The following SOX5 variants were observed in gnomAD, a reference collection of about 807,000 sequenced individuals.
SOX5 encodes SRY-box transcription factor 5.
In SOX5, 9 loss-of-function variants were observed where a neutral mutation model predicts 92.0. The ratio of observed to expected loss-of-function variants is 0.10; its 90% CI spans 0.06 to 0.17. The LOEUF is 0.17. Ranked by LOEUF, SOX5 falls within the 10% of genes least tolerant of loss-of-function variation. The pLI is 1.00. For missense variants in SOX5, 642 were observed against 944.5 expected (o/e 0.68, Z 4.20); for synonymous variants, 344 against 336.3 (o/e 1.02, Z -0.25).
chr12:23,572,787 T>C (rs1297735623), intron 10 of SOX5, among the ~76,000 whole-genome samples: 9 of 152,186 alleles, frequency 5.9e-5, no homozygotes, highest in African/African-American at 2.2e-4. Flanking sequence ...TCATTTAGGA[T>C]GCTGAGCAGA....
At chr12:23,970,996 C>A (rs1948260468) in intron 4 of SOX5, among the ~76,000 whole-genome samples, 1 of 148,876 alleles carries the variant, frequency 6.7e-6, no homozygotes, top group Non-Finnish European at 1.5e-5. Flanking sequence ...AACCATCACA[C>A]TGTTTTCCAT....
chr12:23,949,437 G>T (rs532025096), intron 1 of SOX5, 127 bp downstream of exon 1: 2 of 1,115,252 alleles, frequency 1.8e-6, no homozygotes, highest in South Asian at 1.3e-5. Flanking sequence ...TAACAAGATT[G>T]CAGAAGCCCT....
intron 2 of SOX5, among the ~76,000 whole-genome samples, chr12:23,891,975 A>T (rs919782484): frequency 5.3e-5 from 8 of 152,246 alleles, no homozygotes; most frequent in African/African-American, 1.9e-4. Flanking sequence ...TGCCTAAAAC[A>T]TATTTACTCA....
intron 1 of SOX5, among the ~76,000 whole-genome samples, chr12:24,518,048 T>C (rs1486433450): frequency 6.7e-6 from 1 of 148,434 alleles, no homozygotes; most frequent in African/African-American, 2.5e-5. Context: ...GGTTTATTAA[T>C]CAAAAATTTT....
intron 3 of SOX5, among the ~76,000 whole-genome samples, chr12:23,762,216 G>A (rs2094579900): frequency 6.6e-6 from 1 of 152,098 alleles, no homozygotes; most frequent in African/African-American, 2.4e-5. Flanking sequence ...GTCGGCCACT[G>A]GACATACCAA....
chr12:24,235,629 ATCT>A lies in SOX5; in HGVS notation c.-76-22215_-76-22213del, dbSNP rs913749895. Among the ~76,000 whole-genome samples, 6 of 152,372 alleles carry A rather than the reference ATCT, an allele frequency of 3.9e-5. No individual in the cohort carries two copies. In the East Asian group the frequency reaches 5.8e-4, roughly 15 times the overall value. ...GACCCAGAGGAAGGGCAAAACGTTT[ATCT>A]TCTTAAGAAAGTATGCTTTATTATA... On this transcript the variant is annotated intron_variant, in intron 3 of 4. Transcript: ENST00000446891.
intron 1 of SOX5, among the ~76,000 whole-genome samples, chr12:24,397,089 G>A (rs998705432): frequency 1.6e-4 from 25 of 152,148 alleles, no homozygotes; most frequent in African/African-American, 5.8e-4. Flanking sequence ...TTGAGAATTT[G>A]AGGTGCGTGT....
intron 4 of SOX5, among the ~76,000 whole-genome samples, chr12:23,755,424 G>T (rs2094334812): frequency 6.6e-6 from 1 of 151,658 alleles, no homozygotes; most frequent in Non-Finnish European, 1.5e-5. Flanking sequence ...TGATTCTGTT[G>T]AAAACAACAT....
intron 3 of SOX5, among the ~76,000 whole-genome samples, chr12:23,822,016 CTT>C (rs1377943500): frequency 1.3e-5 from 2 of 151,936 alleles, no homozygotes; most frequent in Admixed American, 1.3e-4. Flanking sequence ...ATTCTTCTCT[CTT>C]TTCTTATTAG....
At chr12:24,432,078 T>A (rs1938454502) in intron 1 of SOX5, among the ~76,000 whole-genome samples, 1 of 152,158 alleles carries the variant, frequency 6.6e-6, no homozygotes, top group South Asian at 2.1e-4. Flanking sequence ...TCCCAAAGAT[T>A]GGCAGACTGG....
intron 3 of SOX5, among the ~76,000 whole-genome samples, chr12:24,236,909 C>CA (rs63258566): frequency 0.011 from 1,607 of 141,560 alleles, 18 homozygotes; most frequent in African/African-American, 0.034. Flanking sequence ...ATCCACAACT[C>CA]AAAAAAAAAA....
intron 8 of SOX5, among the ~76,000 whole-genome samples, chr12:23,638,820 G>C (rs1417642544): frequency 2.0e-5 from 3 of 151,274 alleles, no homozygotes; most frequent in Admixed American, 6.6e-5. Context: ...TCAAAGAAAA[G>C]CCAGGTTCTC....
chr12:23,982,788 T>C (rs532627457), intron 4 of SOX5, among the ~76,000 whole-genome samples: 1 of 151,976 alleles, frequency 6.6e-6, no homozygotes, highest in South Asian at 2.1e-4. Context: ...AAATTCAATA[T>C]ATAATTGATA....
intron 3 of SOX5, among the ~76,000 whole-genome samples, chr12:23,844,310 G>C (rs1299567981): frequency 1.3e-5 from 2 of 152,146 alleles, no homozygotes; most frequent in Non-Finnish European, 2.9e-5. Context: ...TATTGCTTTT[G>C]TACCATCTTA....
At chr12:24,088,665 C>T (rs866823660) in intron 4 of SOX5, among the ~76,000 whole-genome samples, 5 of 151,440 alleles carry the variant, frequency 3.3e-5, no homozygotes, top group Admixed American at 6.6e-5. Flanking sequence ...CTACCATTTC[C>T]GAGTATTTGT....
intron 4 of SOX5, among the ~76,000 whole-genome samples, chr12:24,158,354 A>C (rs930533181): frequency 1.3e-5 from 2 of 152,052 alleles, no homozygotes; most frequent in African/African-American, 4.8e-5. Context: ...CCAGGGAAAT[A>C]TTTTACAAAA....
At chr12:24,309,107 G>T (rs912056194) in intron 2 of SOX5, among the ~76,000 whole-genome samples, 5 of 152,182 alleles carry the variant, frequency 3.3e-5, no homozygotes, top group Non-Finnish European at 7.3e-5. Context: ...GTAGAATTAT[G>T]ATATCCTTGT....
At chr12:24,520,683 T>G (rs1413263796) in intron 1 of SOX5, among the ~76,000 whole-genome samples, 1 of 151,980 alleles carries the variant, frequency 6.6e-6, no homozygotes, top group African/African-American at 2.4e-5. Context: ...AATTCACCAA[T>G]GAAAAGGCAC....
chr12:24,523,551 G>A (rs531230889), intron 1 of SOX5, among the ~76,000 whole-genome samples: 6 of 152,204 alleles, frequency 3.9e-5, no homozygotes, highest in Non-Finnish European at 5.9e-5. Context: ...CATGTGGACC[G>A]ATGGATCAGA....
Sources: allele counts gnomAD v4.1 joint callset (sites outside exome capture counted in the v4.1 genomes callset), GRCh38; gene constraint gnomAD v4.1.1; transcripts MANE v1.5; gene names NCBI Gene and HGNC (gene_info 2026-07-23, HGNC 2026-07-21).